PTPRG: variants seen among roughly 807,000 people sequenced by gnomAD.
PTPRG encodes receptor-type tyrosine-protein phosphatase gamma.
PTPRG carries 102 observed loss-of-function variants against 165.3 expected under a neutral mutation model. The observed-to-expected ratio is 0.62, with a 90% CI of 0.53 to 0.73. The LOEUF is 0.73. PTPRG is among the 30% of genes least tolerant of loss of function. The pLI is 0.00. For synonymous variants in PTPRG, 675 were observed against 669.5 expected (o/e 1.01, Z -0.13); for missense variants, 1,866 against 1,861.4 (o/e 1.00, Z -0.05).
intron 1 of PTPRG, among the ~76,000 whole-genome samples, chr3:61,566,865 C>G (rs1277562462): frequency 6.6e-6 from 1 of 152,202 alleles, no homozygotes; most frequent in African/African-American, 2.4e-5. Flanking sequence ...TTCCATTCAG[C>G]ATGTGGGACA....
intron 2 of PTPRG, among the ~76,000 whole-genome samples, chr3:61,892,919 A>G (rs996687521): frequency 6.6e-6 from 1 of 152,210 alleles, no homozygotes; most frequent in South Asian, 2.1e-4. Flanking sequence ...AGTTTTTAAT[A>G]AGACCATCTT....
At chr3:61,912,227 C>A (rs1479561724) in intron 2 of PTPRG, among the ~76,000 whole-genome samples, 3 of 152,026 alleles carry the variant, frequency 2.0e-5, no homozygotes, top group Non-Finnish European at 2.9e-5. Context: ...TATATAATTT[C>A]CATGGGAATG....
intron 1 of PTPRG, among the ~76,000 whole-genome samples, chr3:61,741,124 G>T (rs2032965152): frequency 6.6e-6 from 1 of 152,190 alleles, no homozygotes; most frequent in South Asian, 2.1e-4. Context: ...TATTGTGTGG[G>T]ATTTAATGTT....
intron 5 of PTPRG, among the ~76,000 whole-genome samples, chr3:62,081,973 A>G (rs1488488613): frequency 6.6e-6 from 1 of 152,194 alleles, no homozygotes; most frequent in Non-Finnish European, 1.5e-5. Flanking sequence ...TCTCCTGTGC[A>G]CTAGAACCTC....
intron 5 of PTPRG, among the ~76,000 whole-genome samples, chr3:62,107,177 T>A (rs1361901286): frequency 6.6e-6 from 1 of 152,244 alleles, no homozygotes; most frequent in African/African-American, 2.4e-5. Context: ...TTAAGAATTA[T>A]GTTTCCATCC....
At chr3:61,725,537 G>C (rs1315290652) in intron 1 of PTPRG, among the ~76,000 whole-genome samples, 1 of 152,164 alleles carries the variant, frequency 6.6e-6, no homozygotes, top group East Asian at 1.9e-4. Flanking sequence ...GTCTCCTTCT[G>C]GGTTCTCTAT....
chr3:62,282,556 A>AC (rs1268916841), intron 27 of PTPRG, among the ~76,000 whole-genome samples, 171 bp from the exon 28 acceptor site: 14 of 149,474 alleles, frequency 9.4e-5, no homozygotes, highest in African/African-American at 2.2e-4. Flanking sequence ...CAAAAAAACA[A>AC]AAAAAAAAAA....
intron 5 of PTPRG, among the ~76,000 whole-genome samples, chr3:62,124,849 C>T (rs891826879): frequency 6.6e-6 from 1 of 152,202 alleles, no homozygotes; most frequent in Non-Finnish European, 1.5e-5. Context: ...TGAGCCACTG[C>T]GCATGGCCAG....
intron 10 of PTPRG, among the ~76,000 whole-genome samples, chr3:62,199,969 G>C (rs1412627183): frequency 6.6e-6 from 1 of 152,180 alleles, no homozygotes. Flanking sequence ...TGAAGCTTGA[G>C]GACGTTATGC....
chr3:61,843,730 C>T (rs146189524), intron 2 of PTPRG, among the ~76,000 whole-genome samples: 1 of 151,682 alleles, frequency 6.6e-6, no homozygotes, highest in African/African-American at 2.4e-5. Flanking sequence ...ACTCTGAAAT[C>T]GTAGCTCAAA....
intron 1 of PTPRG, among the ~76,000 whole-genome samples, chr3:61,712,592 T>G (rs1207222177): frequency 2.0e-5 from 3 of 152,202 alleles, no homozygotes; most frequent in South Asian, 2.1e-4. Flanking sequence ...GTGCTCTCTC[T>G]TCTCCTGCTG....
chr3:62,025,136 A>G (rs1349215463), intron 4 of PTPRG, among the ~76,000 whole-genome samples: 1 of 152,150 alleles, frequency 6.6e-6, no homozygotes, highest in Non-Finnish European at 1.5e-5. Flanking sequence ...TGCAACAGGG[A>G]GTGGGATGAA....
intron 2 of PTPRG, among the ~76,000 whole-genome samples, chr3:61,932,089 T>TA (rs1263552404): frequency 6.6e-6 from 1 of 152,230 alleles, no homozygotes; most frequent in Non-Finnish European, 1.5e-5. Context: ...TGTTTGCTTT[T>TA]AAAAAATGAA....
chr3:61,922,960 CATT>C (rs2039116165), intron 2 of PTPRG, among the ~76,000 whole-genome samples: 2 of 152,306 alleles, frequency 1.3e-5, no homozygotes, highest in Middle Eastern at 3.4e-3. Flanking sequence ...CTCTTTAAAA[CATT>C]ATTTCTATCC....
At position 62,252,907 on chromosome 3, in the gene PTPRG, A is replaced by C. The variant is rs1701454173; in HGVS notation, c.2468-2217A>C. On this transcript the variant is annotated intron_variant, in intron 15 of 29. Transcript: ENST00000474889. The surrounding 1 kb of genome is among the most constrained non-coding windows in gnomAD (Gnocchi z 4.6). ...CATTATTGGTGGTGCCTGGAAACCC[A>C]GAGGGTGTGGTTAGGCGTCCTTGGA... Among the ~76,000 whole-genome samples the C allele has an allele frequency of 1.3e-5, 2 of 152,166 alleles. No individual in the cohort carries two copies. Among genetic ancestry groups the C allele is most frequent in the Admixed American group, 1.3e-4 (2 of 15,260 alleles).
intron 7 of PTPRG, among the ~76,000 whole-genome samples, chr3:62,167,629 A>G (rs1006307728): frequency 6.6e-6 from 1 of 152,166 alleles, no homozygotes; most frequent in Non-Finnish European, 1.5e-5. Context: ...CCGTGACCCT[A>G]TGTTTCTTGC....
rs561243240 is a variant in PTPRG at position 61,672,553 on chromosome 3, A to C, written c.86-76325A>C. ...GCCAACACAGCGAAACCCCGTCTCCACCAAAAAAATAAGAAAACCAGTCAG... is the reference window on the plus strand; with the variant it reads ...GCCAACACAGCGAAACCCCGTCTCCCCCAAAAAAATAAGAAAACCAGTCAG... On this transcript the variant is annotated intron_variant, in intron 1 of 29. Coordinates refer to ENST00000474889, the MANE Select transcript of PTPRG (RefSeq NM_002841.4). Among the ~76,000 whole-genome samples the C allele has an allele frequency of 1.7e-3, 236 of 137,586 alleles. 1 individual carries two copies. The highest frequency in any genetic ancestry group is 2.6e-3 in the Non-Finnish European group (168 of 63,884). 90.3% of individuals were successfully genotyped at this position (137,586 alleles called of 152,430 possible). A position where few individuals can be genotyped will look rare whatever the true frequency, so the allele number is the denominator to read the frequency against.
intron 2 of PTPRG, among the ~76,000 whole-genome samples, chr3:61,754,672 A>AT (rs2033573945): frequency 6.6e-6 from 1 of 152,196 alleles, no homozygotes; most frequent in Non-Finnish European, 1.5e-5. Context: ...CAGATAAATT[A>AT]GTGGGTGATT....
Position 62,255,183 on chromosome 3 carries a change from A to G in PTPRG, c.2527A>G (p.Asn843Asp), listed in dbSNP as rs1701509681. The G allele has an allele frequency of 1.2e-6, 2 of 1,612,938 alleles. No homozygotes were observed. Among genetic ancestry groups the G allele is most frequent in the Non-Finnish European group, 1.7e-6 (2 of 1,179,452 alleles). The change falls in exon 16 of 30, where the codon AAT (asparagine) becomes GAT (aspartate). Residue 843 changes from asparagine to aspartate, a missense_variant. By Grantham distance (23) the Asn-to-Asp change is conservative. Around this residue, in one of 3 missense-constraint regions of PTPRG, gnomAD observed 1,452 missense variants for 1,463.0 expected, o/e 0.99. Coordinates refer to ENST00000474889, the MANE Select transcript of PTPRG (RefSeq NM_002841.4). This position sits in a 1 kb window ranked among gnomAD's most constrained non-coding sequence, Gnocchi z 4.0. ...FVKHIGELYS[N>D]NQHGFSEDFE... ...CAAACACATCGGTGAGCTCTATTCT[A>G]ATAACCAGCATGGGTTCTCTGAGGA...
Sources: allele counts gnomAD v4.1 joint callset (sites outside exome capture counted in the v4.1 genomes callset), GRCh38; gene constraint gnomAD v4.1.1; regional missense constraint gnomAD v4.1.1; non-coding constraint Gnocchi (gnomAD v3.1); transcripts MANE v1.5; gene names NCBI Gene and HGNC (gene_info 2026-07-23, HGNC 2026-07-21).